Variants in EIF2B3 observed in about 807,000 individuals in gnomAD.
The protein encoded by EIF2B3 is eukaryotic translation initiation factor 2B subunit gamma, also known as translation initiation factor eIF2B subunit gamma.
In EIF2B3, 20 loss-of-function variants were observed where a neutral mutation model predicts 54.1. The observed-to-expected ratio is 0.37, with a 90% confidence interval of 0.26 to 0.54. EIF2B3 has a LOEUF of 0.54. Ranked by LOEUF, EIF2B3 falls within the 20% of genes least tolerant of loss-of-function variation. The pLI is 0.86. For missense variants in EIF2B3, 448 were observed against 547.8 expected (o/e 0.82, Z 1.82); for synonymous variants, 153 against 188.1 (o/e 0.81, Z 1.52).
intron 5 of EIF2B3, among the ~76,000 whole-genome samples, chr1:44,911,020 T>C (rs1643503488): frequency 6.6e-6 from 1 of 152,102 alleles, no homozygotes; most frequent in Non-Finnish European, 1.5e-5. Flanking sequence ...TTTTCCTATA[T>C]ACATGAAGGC....
intron 3 of EIF2B3, among the ~76,000 whole-genome samples, chr1:44,971,759 G>A (rs1644401049): frequency 6.6e-6 from 1 of 152,168 alleles, no homozygotes; most frequent in Admixed American, 6.6e-5. Context: ...TAGGCTGGGT[G>A]AGGTGGCTCA....
At chr1:44,942,579 C>T (rs1644047843) in intron 3 of EIF2B3, among the ~76,000 whole-genome samples, 1 of 149,000 alleles carries the variant, frequency 6.7e-6, no homozygotes, top group Non-Finnish European at 1.5e-5. Context: ...AGGTATGTAC[C>T]ACCACACTTG....
chr1:44,921,826 C>T (rs1643742887), intron 5 of EIF2B3, among the ~76,000 whole-genome samples: 1 of 151,914 alleles, frequency 6.6e-6, no homozygotes, highest in African/African-American at 2.4e-5. Context: ...AATATGATTC[C>T]TGTAGCTTTG....
chr1:44,936,801 T>C (rs1643953089), intron 4 of EIF2B3, among the ~76,000 whole-genome samples: 1 of 152,232 alleles, frequency 6.6e-6, no homozygotes, highest in Non-Finnish European at 1.5e-5. Flanking sequence ...TAAGTTTCAG[T>C]ACCAAATTAC....
intron 5 of EIF2B3, among the ~76,000 whole-genome samples, chr1:44,907,723 A>G (rs923793175): frequency 6.6e-6 from 1 of 151,758 alleles, no homozygotes; most frequent in African/African-American, 2.4e-5. Flanking sequence ...CAACATGGAG[A>G]AACCCTGTCT....
At chr1:44,959,024 G>A in intron 3 of EIF2B3, 2 of 735,626 alleles carry the variant, frequency 2.7e-6, no homozygotes, top group Non-Finnish European at 4.9e-6. Flanking sequence ...ACAAGAAAAA[G>A]TTCAGTGACA....
At chr1:44,892,162 T>C (rs142555721) in intron 6 of EIF2B3, among the ~76,000 whole-genome samples, 52 of 152,348 alleles carry the variant, frequency 3.4e-4, no homozygotes, top group African/African-American at 1.3e-3. Context: ...CCATGGCTCT[T>C]TCCACTATAC....
intron 5 of EIF2B3, among the ~76,000 whole-genome samples, chr1:44,926,268 C>A (rs263982): frequency 0.46 from 69,271 of 150,900 alleles, 16,727 homozygotes; most frequent in African/African-American, 0.61. Flanking sequence ...CCAAACCAAA[C>A]CAAAACAAAA....
chr1:44,984,620 G>A (rs906374943), intron 1 of EIF2B3, among the ~76,000 whole-genome samples: 18 of 152,162 alleles, frequency 1.2e-4, no homozygotes, highest in African/African-American at 3.9e-4. Flanking sequence ...AGAATGCCTA[G>A]GTTTGAATTC....
At chr1:44,971,352 A>G (rs991557608) in intron 3 of EIF2B3, among the ~76,000 whole-genome samples, 1 of 150,170 alleles carries the variant, frequency 6.7e-6, no homozygotes, top group Non-Finnish European at 1.5e-5. Context: ...CCTGGGCTAC[A>G]GAGCGAGACT....
At chr1:44,891,099 A>C (rs1655784922) in intron 6 of EIF2B3, among the ~76,000 whole-genome samples, 1 of 152,002 alleles carries the variant, frequency 6.6e-6, no homozygotes, top group East Asian at 1.9e-4. Flanking sequence ...ACTTTTTTTA[A>C]ATTTTTAAAT....
Position 44,949,225 on chromosome 1 carries a change from C to T in EIF2B3, c.295-7560G>A, listed in dbSNP as rs1329388265. The stretch of plus-strand genomic sequence containing the variant: ...AAGAATGTATACCCTAGTCTGTCTT[C>T]CTACTCTATTATATATTTATCCATC... On this transcript the variant is annotated intron_variant, in intron 3 of 11. Transcript: ENST00000360403. Among the ~76,000 whole-genome samples, 3 of 152,092 alleles carry T rather than the reference C, an allele frequency of 2.0e-5. No homozygotes were observed. The East Asian group carries it at 5.8e-4, about 29-fold the overall frequency.
chr1:44,853,994 G>GT (rs113200962), intron 11 of EIF2B3, among the ~76,000 whole-genome samples: 7,132 of 136,916 alleles, frequency 0.052, 725 homozygotes, highest in African/African-American at 0.19. Context: ...AGCAGTTAGT[G>GT]TTTTTTTTTT....
intron 4 of EIF2B3, among the ~76,000 whole-genome samples, chr1:44,929,475 G>A (rs1643878745): frequency 1.3e-5 from 2 of 152,196 alleles, no homozygotes; most frequent in African/African-American, 4.8e-5. Context: ...AAAATTATAT[G>A]TTGGGGTTTT....
At position 44,850,899 on chromosome 1, in the gene EIF2B3, C is replaced by T. The variant is rs1011183927; in HGVS notation, c.*52G>A. 6.2e-7 allele frequency: 1 copy of T among 1,600,320 alleles called. No individual in the cohort carries two copies. The highest frequency in any genetic ancestry group is 1.3e-5 in the African/African-American group (1 of 74,700). On this transcript the variant is annotated 3_prime_UTR_variant, in exon 12 of 12. Transcript: ENST00000360403. Reference sequence around the variant, plus strand: ...TACAGAGTTAAACAGGTGGGCCGGCCAACATCTGTGGCTTTGGAGGCCAAA... The same window carrying T: ...TACAGAGTTAAACAGGTGGGCCGGCTAACATCTGTGGCTTTGGAGGCCAAA...
In EIF2B3 at chr1:44,976,670, T is replaced by G. The variant is rs1213550555; in HGVS notation, c.294+1645A>C. On this transcript the variant is annotated intron_variant, in intron 3 of 11. Transcript: ENST00000360403. ...ACCCAAATAACTGTCAATAGGAGGA[T>G]AGATAAATAAATAGTAGTATATTCA... Among the ~76,000 whole-genome samples the G allele has an allele frequency of 2.0e-5, 3 of 152,090 alleles. No homozygotes were observed. The East Asian group carries it at 5.8e-4, about 29-fold the overall frequency.
At chr1:44,919,997 G>T (rs1294068070) in intron 5 of EIF2B3, among the ~76,000 whole-genome samples, 3 of 149,626 alleles carry the variant, frequency 2.0e-5, no homozygotes, top group Non-Finnish European at 4.4e-5. Context: ...TGGGATTATA[G>T]GCATGAACCA....
chr1:44,900,610 TAAC>T (rs1643269556), intron 5 of EIF2B3, among the ~76,000 whole-genome samples: 1 of 152,136 alleles, frequency 6.6e-6, no homozygotes. Context: ...ATATACCATG[TAAC>T]ATACTTGCAC....
chr1:44,886,781 C>CT (rs1230649331), intron 6 of EIF2B3, among the ~76,000 whole-genome samples: 1 of 152,196 alleles, frequency 6.6e-6, no homozygotes, highest in Non-Finnish European at 1.5e-5. Context: ...ACGTCACTTC[C>CT]TTTTTTTGTC....
Sources: allele counts gnomAD v4.1 joint callset (sites outside exome capture counted in the v4.1 genomes callset), GRCh38; gene constraint gnomAD v4.1.1; transcripts MANE v1.5; gene names NCBI Gene and HGNC (gene_info 2026-07-23, HGNC 2026-07-21).